Variants in NRXN1 observed in about 807,000 individuals in gnomAD.
NRXN1 encodes neurexin 1, also known as neurexin-1.
Under a neutral mutation model 150.9 loss-of-function variants are expected in NRXN1, and 39 were observed. The observed-to-expected ratio is 0.26, with a 90% CI of 0.20 to 0.34. NRXN1 has a LOEUF of 0.34. NRXN1 is among the 10% of genes least tolerant of loss of function. The pLI, the probability that NRXN1 is intolerant of heterozygous loss-of-function variation, is 1.00. For synonymous variants in NRXN1, 924 were observed against 757.0 expected (o/e 1.22, Z -3.62); for missense variants, 1,815 against 1,949.9 (o/e 0.93, Z 1.30).
intron 17 of NRXN1, among the ~76,000 whole-genome samples, chr2:50,413,170 T>C (rs1412142614): frequency 6.6e-6 from 1 of 152,110 alleles, no homozygotes; most frequent in Non-Finnish European, 1.5e-5. Flanking sequence ...GAGAAACTAT[T>C]TGCAAACCCT....
intron 5 of NRXN1, among the ~76,000 whole-genome samples, chr2:50,652,509 T>C (rs138154375): frequency 7.6e-4 from 115 of 152,202 alleles, no homozygotes; most frequent in South Asian, 1.0e-3. Context: ...ATAACGTTTC[T>C]GAGGCTCCAT....
chr2:50,161,743 T>A (rs772005908), intron 18 of NRXN1, among the ~76,000 whole-genome samples: 2 of 152,132 alleles, frequency 1.3e-5, no homozygotes, highest in Non-Finnish European at 2.9e-5. Flanking sequence ...TCCCAGTAGA[T>A]AATATATTCC....
intron 8 of NRXN1, among the ~76,000 whole-genome samples, chr2:50,590,537 C>A (rs577532080): frequency 6.6e-6 from 1 of 152,176 alleles, no homozygotes; most frequent in Admixed American, 6.5e-5. Flanking sequence ...CTGTTACAGA[C>A]CTAATATGTG....
rs1437524307 is a variant in NRXN1 at position 50,495,923 on chromosome 2, T to G, written c.3052A>C (p.Arg1018=). ...KITTQITAGA[R]NLDLKSDLYI... is the part of the protein sequence containing the mutation. ...CACTTACTCTTGAGGTCTAAGTTCC[T>G]GGCTCCGGCGGTGATTTGCGTTGTG... The change falls in exon 15 of 23, where the codon AGG becomes CGG. Residue 1018 remains arginine (R), a synonymous_variant. Coordinates refer to ENST00000401669, the MANE Select transcript of NRXN1 (RefSeq NM_001330078.2). 1 of 1,606,102 alleles carries G rather than the reference T, an allele frequency of 6.2e-7. No individual in the cohort carries two copies.
intron 8 of NRXN1, among the ~76,000 whole-genome samples, chr2:50,598,711 T>A (rs1045453446): frequency 6.8e-6 from 1 of 147,416 alleles, no homozygotes; most frequent in African/African-American, 2.5e-5. Context: ...TATATACATA[T>A]ATATGTATAT....
At chr2:50,153,581 T>C (rs1258188662) in intron 18 of NRXN1, among the ~76,000 whole-genome samples, 1 of 151,748 alleles carries the variant, frequency 6.6e-6, no homozygotes, top group Non-Finnish European at 1.5e-5. Context: ...TTTGAGGTCT[T>C]CTCAAGTTTA....
intron 17 of NRXN1, among the ~76,000 whole-genome samples, chr2:50,435,799 C>A (rs1306033692): frequency 2.6e-5 from 4 of 152,018 alleles, no homozygotes; most frequent in African/African-American, 9.7e-5. Context: ...CTGGGGCCTT[C>A]TTGAGGGTGG....
intron 19 of NRXN1, among the ~76,000 whole-genome samples, chr2:50,057,979 A>C (rs1365315174): frequency 6.6e-6 from 1 of 152,128 alleles, no homozygotes; most frequent in Non-Finnish European, 1.5e-5. Context: ...GGTTGGGGAA[A>C]AAAAGGTCTA....
intron 8 of NRXN1, among the ~76,000 whole-genome samples, chr2:50,576,025 A>G (rs1251636188): frequency 6.6e-6 from 1 of 152,164 alleles, no homozygotes; most frequent in Non-Finnish European, 1.5e-5. Context: ...AAACATGTGA[A>G]AAAGACAGCA....
rs1269747850 is a variant in NRXN1, at chr2:50,504,254, T to C, written c.2497+2241A>G. 3.9e-5 allele frequency among the ~76,000 whole-genome samples: 6 copies of C among 151,990 alleles called. No individual in the cohort carries two copies. In the East Asian group the frequency reaches 1.2e-3, roughly 29 times the overall value. On this transcript the variant is annotated intron_variant, in intron 13 of 22. Coordinates refer to ENST00000401669, the MANE Select transcript of NRXN1 (RefSeq NM_001330078.2). ...TCAACTGACAAAGCTGGAATATGGA[T>C]TACAGATTAGAAAAATAAATTGTTA...
At chr2:50,314,714 A>G (rs1047636353) in intron 17 of NRXN1, among the ~76,000 whole-genome samples, 1 of 152,068 alleles carries the variant, frequency 6.6e-6, no homozygotes, top group South Asian at 2.1e-4. Flanking sequence ...TAAATTTAAG[A>G]GAGTAAGAAT....
chr2:50,163,883 T>C (rs1178261431), intron 18 of NRXN1, among the ~76,000 whole-genome samples: 1 of 152,176 alleles, frequency 6.6e-6, no homozygotes, highest in Non-Finnish European at 1.5e-5. Flanking sequence ...GAGACATCTA[T>C]ACTTTATCTT....
intron 17 of NRXN1, among the ~76,000 whole-genome samples, chr2:50,345,181 A>C (rs2077852979): frequency 6.6e-6 from 1 of 152,208 alleles, no homozygotes. Flanking sequence ...AATTTCTGGG[A>C]GAGAACTAGG....
At chr2:50,729,101 G>T (rs1186129164) in intron 5 of NRXN1, among the ~76,000 whole-genome samples, 1 of 151,970 alleles carries the variant, frequency 6.6e-6, no homozygotes. Flanking sequence ...AAAATATAAT[G>T]ATTTATAACT....
intron 2 of NRXN1, among the ~76,000 whole-genome samples, chr2:51,017,604 T>C (rs1175076001): frequency 3.4e-5 from 5 of 144,960 alleles, no homozygotes; most frequent in Non-Finnish European, 7.5e-5. Flanking sequence ...TGACTCTATT[T>C]GTACTCCCAA....
At chr2:50,416,802 C>T (rs2083572467) in intron 17 of NRXN1, among the ~76,000 whole-genome samples, 1 of 151,970 alleles carries the variant, frequency 6.6e-6, no homozygotes, top group South Asian at 2.1e-4. Context: ...GTTACCACCC[C>T]CATTATTCAA....
chr2:50,697,058 C>T (rs555966636), intron 5 of NRXN1, among the ~76,000 whole-genome samples: 1 of 152,162 alleles, frequency 6.6e-6, no homozygotes, highest in South Asian at 2.1e-4. Context: ...TCCTACTGTA[C>T]CAGCAATAAG....
chr2:50,863,417 T>C (rs1201182124), intron 5 of NRXN1, among the ~76,000 whole-genome samples: 3 of 152,014 alleles, frequency 2.0e-5, no homozygotes, highest in African/African-American at 7.2e-5. Context: ...GGTTTGTGTG[T>C]GTGTTAAACT....
chr2:50,917,802 C>A (rs1195154936), intron 5 of NRXN1: 4 of 151,318 alleles, frequency 2.6e-5, no homozygotes, highest in African/African-American at 9.7e-5. Context: ...TACAAGCTAC[C>A]CAGTTTATGG....
Sources: allele counts gnomAD v4.1 joint callset (sites outside exome capture counted in the v4.1 genomes callset), GRCh38; gene constraint gnomAD v4.1.1; transcripts MANE v1.5; gene names NCBI Gene and HGNC (gene_info 2026-07-23, HGNC 2026-07-21).